The following PDE7B variants were observed in gnomAD, a reference collection of about 807,000 sequenced individuals.
The protein encoded by PDE7B is 3',5'-cyclic-AMP phosphodiesterase 7B.
Under a neutral mutation model 56.2 loss-of-function variants are expected in PDE7B, and 29 were observed. The observed-to-expected ratio is 0.52, with a 90% confidence interval of 0.38 to 0.70. The LOEUF is 0.70. PDE7B is among the 30% of genes least tolerant of loss of function. The probability of loss-of-function intolerance (pLI) is 0.00; values close to 1 mark genes in which losing one functional copy is unlikely to be tolerated. For synonymous variants in PDE7B, 197 were observed against 196.9 expected, an observed-to-expected ratio of 1.00 and a Z score of 0.00; for missense variants, 490 against 565.0, an observed-to-expected ratio of 0.87 and a Z score of 1.35.
In PDE7B at chr6:136,155,857, G is replaced by A. The variant is rs1390644900; in HGVS notation, c.711+99G>A. 5 of 1,257,900 alleles carry A rather than the reference G, an allele frequency of 4.0e-6. No homozygotes were observed. In the African/African-American group the frequency reaches 4.4e-5, roughly 11 times the overall value. The allele number at this position is 1,257,900 out of a possible 1,614,324, so 77.9% of individuals were successfully genotyped here. ...GCCCATGGAGAAAGCCTTGTTTTAG[G>A]GTCCTAGAAGTTCAAAGACGAATGA... On this transcript the variant is annotated intron_variant, in intron 8 of 12. Coordinates refer to ENST00000308191, the MANE Select transcript of PDE7B (RefSeq NM_018945.4).
At chr6:136,070,224 C>G (rs942591057) in intron 2 of PDE7B, 2 of 151,394 alleles carry the variant, frequency 1.3e-5, no homozygotes, top group Non-Finnish European at 2.9e-5. Flanking sequence ...ATAAACATAC[C>G]TTTTGATGCA....
intron 2 of PDE7B, among the ~76,000 whole-genome samples, chr6:136,050,887 T>G (rs1776610977): frequency 6.6e-6 from 1 of 152,140 alleles, no homozygotes; most frequent in Non-Finnish European, 1.5e-5. Flanking sequence ...CTTTATCCTC[T>G]GAAACTTTCT....
rs1002389985 is a variant in PDE7B, at chr6:136,052,526, T to C, written c.83-56205T>C. ...GGAGTTCCAACTGGGGCCCATCCCA[T>C]TGGCTCCCCATGGAAGAGTGCAGCC... is the stretch of plus-strand genomic sequence containing the variant. On this transcript the variant is annotated intron_variant, in intron 2 of 12. Transcript: ENST00000308191. 1.3e-5 allele frequency among the ~76,000 whole-genome samples: 2 copies of C among 152,064 alleles called. 1 individual carries two copies. Among genetic ancestry groups the C allele is most frequent in the Non-Finnish European group, 2.9e-5 (2 of 68,012 alleles).
chr6:135,970,486 A>G (rs1775075997), intron 2 of PDE7B, among the ~76,000 whole-genome samples: 1 of 152,146 alleles, frequency 6.6e-6, no homozygotes, highest in African/African-American at 2.4e-5. Flanking sequence ...ATGCATGCAA[A>G]TCACCTGGGC....
In PDE7B at chr6:136,160,526, C is replaced by T. The variant is rs76593604; in HGVS notation, c.711+4768C>T. Among the ~76,000 whole-genome samples the T allele has an allele frequency of 5.3e-3, 806 of 152,196 alleles. 13 individuals are homozygous for T. Among genetic ancestry groups the T allele is most frequent in the African/African-American group, 0.017 (707 of 41,530 alleles). ...GCCTGCTCGCCACCCTTTGCCTCTC[C>T]CCTAGGTTCAGGGCACACCAGCATC... On this transcript the variant is annotated intron_variant, in intron 8 of 12. Transcript: ENST00000308191.
intron 2 of PDE7B, among the ~76,000 whole-genome samples, chr6:136,005,829 A>G (rs1245736857): frequency 1.3e-5 from 2 of 152,202 alleles, no homozygotes; most frequent in Non-Finnish European, 2.9e-5. Context: ...TAGAAATACC[A>G]TTTGACACAG....
chr6:136,122,336 G>T (rs1334829954), intron 3 of PDE7B, among the ~76,000 whole-genome samples: 1 of 152,170 alleles, frequency 6.6e-6, no homozygotes, highest in African/African-American at 2.4e-5. Flanking sequence ...CTTAGGGCTT[G>T]TGAGTATAGA....
chr6:136,036,159 T>C (rs932410987), intron 2 of PDE7B, among the ~76,000 whole-genome samples: 5 of 152,168 alleles, frequency 3.3e-5, no homozygotes, highest in Admixed American at 1.3e-4. Context: ...CCCAGCCTGA[T>C]GGAAGGGTAA....
chr6:136,079,268 A>T (rs1176078761), intron 2 of PDE7B, among the ~76,000 whole-genome samples: 2 of 152,120 alleles, frequency 1.3e-5, no homozygotes, highest in East Asian at 1.9e-4. Context: ...GCATGGCAGT[A>T]CTCTGGCTTT....
chr6:135,869,721 A>G lies in PDE7B; in HGVS notation c.21+17702A>G, dbSNP rs535823039. ...GTGGAGACTTGGCTCCATAGCCAGAAGAGAGCCCAATGGAGTCTTTTCTCT... is the reference window on the plus strand; with the variant it reads ...GTGGAGACTTGGCTCCATAGCCAGAGGAGAGCCCAATGGAGTCTTTTCTCT... On this transcript the variant is annotated intron_variant, in intron 1 of 12. Coordinates refer to ENST00000308191, the MANE Select transcript of PDE7B (RefSeq NM_018945.4). Among the ~76,000 whole-genome samples the G allele has an allele frequency of 5.3e-5, 8 of 152,328 alleles. No individual in the cohort carries two copies. In the South Asian group the frequency reaches 1.5e-3, roughly 28 times the overall value.
At chr6:135,986,456 G>T (rs1305004153) in intron 2 of PDE7B, among the ~76,000 whole-genome samples, 1 of 152,174 alleles carries the variant, frequency 6.6e-6, no homozygotes, top group East Asian at 1.9e-4. Context: ...ATTCTAAGGA[G>T]ACTCAATCCA....
chr6:136,140,355 G>A (rs1397960885), intron 3 of PDE7B, among the ~76,000 whole-genome samples: 2 of 152,320 alleles, frequency 1.3e-5, no homozygotes, highest in African/African-American at 4.8e-5. Context: ...CCAGTACCAT[G>A]CTGTTTTGGT....
chr6:135,974,903 G>A (rs1174538361), intron 2 of PDE7B, among the ~76,000 whole-genome samples: 1 of 152,108 alleles, frequency 6.6e-6, no homozygotes, highest in East Asian at 1.9e-4. Context: ...GAATTTGCAA[G>A]TCTCCAAAAC....
At chr6:136,043,575 CAA>C (rs34337621) in intron 2 of PDE7B, among the ~76,000 whole-genome samples, 5,360 of 106,818 alleles carry the variant, frequency 0.05, 160 homozygotes, top group Admixed American at 0.11. Flanking sequence ...GACATAATAG[CAA>C]AAAAAAAAAA....
At chr6:135,887,262 A>C (rs923546252) in intron 1 of PDE7B, among the ~76,000 whole-genome samples, 1 of 152,084 alleles carries the variant, frequency 6.6e-6, no homozygotes, top group Non-Finnish European at 1.5e-5. Context: ...TCTGGATACT[A>C]GTCCTTTGTT....
chr6:136,033,563 TG>T (rs1251284654), intron 2 of PDE7B, among the ~76,000 whole-genome samples: 1 of 152,104 alleles, frequency 6.6e-6, no homozygotes, highest in African/African-American at 2.4e-5. Flanking sequence ...TGATTGGGTA[TG>T]GTTTAGACAC....
chr6:135,891,970 G>T (rs1373595801), intron 1 of PDE7B, among the ~76,000 whole-genome samples: 1 of 152,026 alleles, frequency 6.6e-6, no homozygotes, highest in Non-Finnish European at 1.5e-5. Context: ...ATGGTCTATA[G>T]TTGGTACCCA....
intron 3 of PDE7B, among the ~76,000 whole-genome samples, chr6:136,141,452 C>CT (rs1361686395): frequency 6.6e-6 from 1 of 152,082 alleles, no homozygotes; most frequent in Non-Finnish European, 1.5e-5. Flanking sequence ...CTCTGCCAGG[C>CT]TTTGGTATCA....
At chr6:136,009,768 G>C (rs1775855594) in intron 2 of PDE7B, among the ~76,000 whole-genome samples, 1 of 152,180 alleles carries the variant, frequency 6.6e-6, no homozygotes, top group African/African-American at 2.4e-5. Context: ...ATACAATCAT[G>C]TCATCTGCAA....
Sources: gnomAD v4.1 joint callset for allele counts (sites outside exome capture counted in the v4.1 genomes callset) on GRCh38, gnomAD v4.1.1 for gene constraint, MANE v1.5 for transcripts, NCBI Gene and HGNC (gene_info 2026-07-23, HGNC 2026-07-21) for gene names.